Variants in NEDD4 observed in about 807,000 individuals in gnomAD.
NEDD4 encodes NEDD4 E3 ubiquitin protein ligase, also known as E3 ubiquitin-protein ligase NEDD4.
A neutral mutation model predicts 144.9 loss-of-function variants in NEDD4; 99 were observed. The ratio of observed to expected loss-of-function variants is 0.68; its 90% confidence interval spans 0.58 to 0.81. The LOEUF (loss-of-function observed/expected upper bound fraction) is 0.81, where lower values mean the gene tolerates loss of function less well. NEDD4 is among the 30% of genes least tolerant of loss of function. The pLI is 0.00. For synonymous variants in NEDD4, 318 were observed against 350.6 expected (o/e 0.91, Z 1.04); for missense variants, 985 against 1,065.9 (o/e 0.92, Z 1.06).
At chr15:55,841,676 A>G (rs1047649248) in intron 19 of NEDD4, among the ~76,000 whole-genome samples, 1 of 151,996 alleles carries the variant, frequency 6.6e-6, no homozygotes, top group Admixed American at 6.5e-5. Context: ...GGTTCACGCC[A>G]TTCTCCTGCC....
At chr15:55,987,859 T>A (rs1438954808) in intron 1 of NEDD4, 2 of 88,462 alleles carry the variant, frequency 2.3e-5, no homozygotes, top group Non-Finnish European at 4.6e-5. Flanking sequence ...AGTACCATGC[T>A]GTTTTGGTTA....
chr15:55,851,991 T>C (rs559247869), intron 13 of NEDD4, among the ~76,000 whole-genome samples: 1 of 152,036 alleles, frequency 6.6e-6, no homozygotes, highest in Non-Finnish European at 1.5e-5. Context: ...AGTGTCAGAA[T>C]ATAAATAATT....
intron 5 of NEDD4, among the ~76,000 whole-genome samples, chr15:55,883,882 CTT>C (rs71110349): frequency 2.8e-5 from 4 of 140,922 alleles, no homozygotes. Flanking sequence ...AGTGGCACTT[CTT>C]TTTTTTTTTT....
At chr15:55,862,249 G>C (rs913230949) in intron 9 of NEDD4, among the ~76,000 whole-genome samples, 6 of 152,018 alleles carry the variant, frequency 3.9e-5, no homozygotes, top group Non-Finnish European at 8.8e-5. Context: ...AAAATTACGA[G>C]TATGTTTCAA....
Position 55,840,447 on chromosome 15 carries a change from C to T in NEDD4, c.2031G>A (p.Val677=). 6.2e-7 allele frequency: 1 copy of T among 1,612,296 alleles called. No homozygotes were observed. Among genetic ancestry groups the T allele is most frequent in the Non-Finnish European group, 8.5e-7 (1 of 1,179,310 alleles). ...TATACTATAAGTGAAAAAGACATAC[C>T]ACAGATTCCATATCATGAAGGGTTA... ...KPITLHDMES[V]DSEYYNSLRW... The change falls in exon 21 of 29, where the codon GTG becomes GTA. Residue 677 remains valine (V), a splice_region_variant and synonymous_variant. Coordinates refer to ENST00000435532, the MANE Select transcript of NEDD4 (RefSeq NM_006154.4).
rs528843428 is a variant in NEDD4, at chr15:55,901,036, G to A, written c.291+23610C>T. Among the ~76,000 whole-genome samples the A allele has an allele frequency of 2.2e-4, 34 of 152,130 alleles. 4 individuals carry two copies. Among genetic ancestry groups the A allele is most frequent in the South Asian group, 6.2e-4 (3 of 4,814 alleles). ...TTTAAATAAAAAGAATGCTATTAGCGAAAACTGGTATCTAACTTTTTTTAA... is the reference window on the plus strand; with the variant it reads ...TTTAAATAAAAAGAATGCTATTAGCAAAAACTGGTATCTAACTTTTTTTAA... On this transcript the variant is annotated intron_variant, in intron 5 of 28. Transcript: ENST00000435532.
At chr15:55,922,847 C>T (rs796659347) in intron 5 of NEDD4, among the ~76,000 whole-genome samples, 24 of 152,150 alleles carry the variant, frequency 1.6e-4, no homozygotes, top group African/African-American at 5.8e-4. Flanking sequence ...AGCTGAGTAA[C>T]GTGTATACAT....
intron 5 of NEDD4, among the ~76,000 whole-genome samples, chr15:55,913,922 T>C (rs1259992318): frequency 6.6e-6 from 1 of 151,970 alleles, no homozygotes; most frequent in African/African-American, 2.4e-5. Context: ...TATTAACGTT[T>C]CTTCTCAGTG....
Position 55,852,514 on chromosome 15 carries a change from T to C in NEDD4, c.1056A>G (p.Pro352=), listed in dbSNP as rs1257492784. 2 of 1,613,006 alleles carry C rather than the reference T, an allele frequency of 1.2e-6. No individual in the cohort carries two copies. Among genetic ancestry groups the C allele is most frequent in the African/African-American group, 2.7e-5 (2 of 74,778 alleles). ...TTTCATCTTGTTTTTCTTCCCAACC[T>C]GGTGGTAATCCAGATGAAGTAGGCA... ...VLLPTSSGLP[P]GWEEKQDERG... The change falls in exon 13 of 29, where the codon CCA becomes CCG. Residue 352 remains proline, a synonymous_variant. Coordinates refer to ENST00000435532, the MANE Select transcript of NEDD4 (RefSeq NM_006154.4).
intron 2 of NEDD4, among the ~76,000 whole-genome samples, chr15:55,957,585 C>G (rs1343912567): frequency 6.6e-6 from 1 of 152,048 alleles, no homozygotes; most frequent in Non-Finnish European, 1.5e-5. Context: ...GGATCTAGAA[C>G]TAGAAATACC....
chr15:55,916,860 C>T, intron 5 of NEDD4: 10 of 1,557,138 alleles, frequency 6.4e-6, no homozygotes, highest in Non-Finnish European at 8.7e-6. Flanking sequence ...ATGTTAAGGG[C>T]TGAAAGTCAT....
chr15:55,946,658 A>C (rs1243555564), intron 4 of NEDD4, among the ~76,000 whole-genome samples: 1 of 152,088 alleles, frequency 6.6e-6, no homozygotes, highest in Non-Finnish European at 1.5e-5. Context: ...CAAGTGGACC[A>C]AACAGACATC....
intron 5 of NEDD4, among the ~76,000 whole-genome samples, chr15:55,879,365 C>T (rs974564667): frequency 3.9e-5 from 6 of 152,172 alleles, no homozygotes; most frequent in African/African-American, 1.2e-4. Flanking sequence ...AAATTCCTCT[C>T]TGGAACAACT....
intron 27 of NEDD4, among the ~76,000 whole-genome samples, chr15:55,832,529 C>A (rs2033003382): frequency 1.3e-5 from 2 of 152,158 alleles, no homozygotes; most frequent in Admixed American, 6.5e-5. Flanking sequence ...ATTCTCCTGC[C>A]TCAGCCTCCC....
At chr15:55,927,607 T>C (rs543077959) in intron 4 of NEDD4, among the ~76,000 whole-genome samples, 1 of 152,230 alleles carries the variant, frequency 6.6e-6, no homozygotes, top group Non-Finnish European at 1.5e-5. Context: ...TTAGTTAGGG[T>C]AGAGCCAGGA....
intron 13 of NEDD4, among the ~76,000 whole-genome samples, chr15:55,851,752 T>G (rs1280864711): frequency 6.6e-6 from 1 of 152,018 alleles, no homozygotes; most frequent in African/African-American, 2.4e-5. Context: ...GCTGGGATTA[T>G]AGGCATGAGC....
chr15:55,902,135 C>T (rs1382164700), intron 5 of NEDD4, among the ~76,000 whole-genome samples: 1 of 151,856 alleles, frequency 6.6e-6, no homozygotes, highest in Non-Finnish European at 1.5e-5. Flanking sequence ...TTTTAGGTTC[C>T]AAAGGAAGGC....
intron 5 of NEDD4, among the ~76,000 whole-genome samples, chr15:55,893,810 T>C (rs149383822): frequency 1.4e-3 from 206 of 149,050 alleles, no homozygotes; most frequent in African/African-American, 4.6e-3. Context: ...ACATACTAGA[T>C]ATAGATAGAA....
intron 5 of NEDD4, among the ~76,000 whole-genome samples, chr15:55,901,043 G>A (rs2035899477): frequency 6.6e-6 from 1 of 151,976 alleles, no homozygotes; most frequent in Non-Finnish European, 1.5e-5. Context: ...AGCGAAAACT[G>A]GTATCTAACT....
Sources: allele counts gnomAD v4.1 joint callset (sites outside exome capture counted in the v4.1 genomes callset), GRCh38; gene constraint gnomAD v4.1.1; transcripts MANE v1.5; gene names NCBI Gene and HGNC (gene_info 2026-07-23, HGNC 2026-07-21).